The following BCL11A variants were observed in gnomAD, a reference collection of about 807,000 sequenced individuals.
BCL11A encodes B cell CLL/lymphoma 11A.
BCL11A carries 2 observed loss-of-function variants against 55.9 expected under a neutral mutation model. The ratio of observed to expected loss-of-function variants is 0.04; its 90% CI spans 0.01 to 0.11. BCL11A has a LOEUF of 0.11. BCL11A is among the 10% of genes least tolerant of loss of function. The probability of loss-of-function intolerance (pLI) is 1.00; values close to 1 mark genes in which losing one functional copy is unlikely to be tolerated. For synonymous variants in BCL11A, 465 were observed against 473.4 expected, an observed-to-expected ratio of 0.98 and a Z score of 0.23; for missense variants, 817 against 1,137.1, an observed-to-expected ratio of 0.72 and a Z score of 4.05.
intron 2 of BCL11A, among the ~76,000 whole-genome samples, chr2:60,498,152 A>G (rs939912982): frequency 2.0e-5 from 3 of 151,940 alleles, no homozygotes; most frequent in African/African-American, 7.2e-5. Context: ...TAACTGGGTC[A>G]GACCCCAAGC....
At chr2:60,532,153 T>G (rs1439009981) in intron 2 of BCL11A, among the ~76,000 whole-genome samples, 1 of 152,210 alleles carries the variant, frequency 6.6e-6, no homozygotes, top group Non-Finnish European at 1.5e-5. Context: ...CATTTTCTTT[T>G]CACTGTACCC....
intron 2 of BCL11A, among the ~76,000 whole-genome samples, chr2:60,530,168 C>T (rs771783120): frequency 1.3e-5 from 2 of 152,050 alleles, no homozygotes; most frequent in Admixed American, 6.5e-5. Flanking sequence ...GGTTTGCCAT[C>T]GGTCCTGGGT....
At position 60,457,378 on chromosome 2, in the gene BCL11A, TAAAAAC is replaced by T; in HGVS notation, c.*3020_*3025del. 2.0e-6 allele frequency: 2 copies of T among 1,013,956 alleles called. No individual in the cohort carries two copies. Among genetic ancestry groups the T allele is most frequent in the Non-Finnish European group, 2.4e-6 (2 of 843,682 alleles). The allele number at this position is 1,013,956 out of a possible 1,614,324, so 62.8% of individuals were successfully genotyped here. A position where few individuals can be genotyped will look rare whatever the true frequency, so the allele number is the denominator to read the frequency against. ...TTGGTCATCTAAATAAAAAAAAAAA[TAAAAAC>T]AAAGAAAAATAAAAGATCAAATTAA... On this transcript the variant is annotated 3_prime_UTR_variant, in exon 4 of 4. Transcript: ENST00000642384.
chr2:60,523,530 T>C (rs1669081910), intron 2 of BCL11A, among the ~76,000 whole-genome samples: 1 of 152,126 alleles, frequency 6.6e-6, no homozygotes, highest in African/African-American at 2.4e-5. Context: ...CACACAACTA[T>C]ATATATATTC....
rs1188197071 is a variant in BCL11A, at chr2:60,519,749, G to A, written c.385+26222C>T. On this transcript the variant is annotated intron_variant, in intron 2 of 3. Transcript: ENST00000642384. ...GGGAGCCACTGGTTTAGGAATTCAC[G>A]TGGGCATGGGACTGTGCTTATTCAG... 2.6e-5 allele frequency among the ~76,000 whole-genome samples: 4 copies of A among 152,306 alleles called. No individual in the cohort carries two copies. The South Asian group carries it at 6.2e-4, about 24-fold the overall frequency.
At chr2:60,467,099 A>G (rs1276813545) in intron 3 of BCL11A, among the ~76,000 whole-genome samples, 478 of 96,396 alleles carry the variant, frequency 5.0e-3, no homozygotes, top group Middle Eastern at 6.7e-3. Context: ...GGTGGTGATG[A>G]TGGTGGTGGT....
intron 2 of BCL11A, among the ~76,000 whole-genome samples, chr2:60,503,628 C>T (rs910717015): frequency 6.6e-6 from 1 of 152,168 alleles, no homozygotes; most frequent in African/African-American, 2.4e-5. Flanking sequence ...GGTTTCCACA[C>T]CCAGCAGTTC....
At chr2:60,553,083 A>G in intron 1 of BCL11A, 133 bp downstream of exon 1, 1 of 887,000 alleles carries the variant, frequency 1.1e-6, no homozygotes, top group Non-Finnish European at 1.6e-6. Context: ...TTTTACCTCG[A>G]CTCTCGGAGG....
intron 2 of BCL11A, chr2:60,527,124 T>G (rs557939790): frequency 6.6e-6 from 1 of 152,292 alleles, no homozygotes; most frequent in African/African-American, 2.4e-5. Flanking sequence ...CCGGCCTGCC[T>G]CTTGGGACAT....
At chr2:60,462,493 T>C in intron 3 of BCL11A, 69 bp from the exon 4 acceptor site, 1 of 1,542,184 alleles carries the variant, frequency 6.5e-7, no homozygotes, top group East Asian at 2.3e-5. Context: ...TGCTTATTTA[T>C]GTTCCACCTC....
chr2:60,520,845 T>C (rs565763828), intron 2 of BCL11A, among the ~76,000 whole-genome samples: 66 of 151,804 alleles, frequency 4.3e-4, no homozygotes, highest in African/African-American at 1.4e-3. Flanking sequence ...CCTTCTCCAG[T>C]GGGTTCCCAC....
intron 2 of BCL11A, chr2:60,495,859 C>T (rs1015961567): frequency 3.3e-5 from 5 of 152,244 alleles, no homozygotes; most frequent in African/African-American, 9.6e-5. Context: ...GAGCCTGGGG[C>T]AGAGAAGGCA....
chr2:60,531,041 A>G (rs1036778886), intron 2 of BCL11A, among the ~76,000 whole-genome samples: 1 of 152,150 alleles, frequency 6.6e-6, no homozygotes, highest in African/African-American at 2.4e-5. Context: ...CTCCCAATGT[A>G]CAATTTTCCC....
rs144021573 is a variant in BCL11A, at chr2:60,461,051, G to A, written c.1861C>T (p.Leu621=). 1.3e-5 allele frequency: 21 copies of A among 1,606,576 alleles called. No homozygotes were observed. Among genetic ancestry groups the A allele is most frequent in the Non-Finnish European group, 1.8e-5 (21 of 1,175,776 alleles). The part of the protein sequence containing the change: ...ESASGGLSKK[L]LLGSPSSLSP... ...AGCGAGCTGGGGCTGCCCAGCAGCAGCTTTTTGGACAGGCCCCCCGAGGCC... is the reference window on the plus strand; with the variant it reads ...AGCGAGCTGGGGCTGCCCAGCAGCAACTTTTTGGACAGGCCCCCCGAGGCC... Residue 621 remains leucine (L), a synonymous_variant, in exon 4 of 4, where the codon CTG becomes TTG. Coordinates refer to ENST00000642384, the MANE Select transcript of BCL11A (RefSeq NM_022893.4).
At chr2:60,537,054 CAG>C (rs1325514676) in intron 2 of BCL11A, 1 of 152,206 alleles carries the variant, frequency 6.6e-6, no homozygotes, top group Non-Finnish European at 1.5e-5. Context: ...GCTCCAAGAT[CAG>C]AAGAAATACA....
intron 2 of BCL11A, among the ~76,000 whole-genome samples, chr2:60,505,219 T>G (rs1423483405): frequency 3.3e-5 from 5 of 152,174 alleles, no homozygotes; most frequent in African/African-American, 7.2e-5. Flanking sequence ...ATGGGCCCAA[T>G]TTTTCATAAG....
intron 2 of BCL11A, among the ~76,000 whole-genome samples, chr2:60,515,068 C>T (rs1409518434): frequency 1.3e-5 from 2 of 152,068 alleles, no homozygotes; most frequent in Admixed American, 6.5e-5. Flanking sequence ...CAGGGGACCC[C>T]CTAACTCCAA....
chr2:60,486,555 T>C (rs1678290179), intron 2 of BCL11A, among the ~76,000 whole-genome samples: 1 of 152,208 alleles, frequency 6.6e-6, no homozygotes. Flanking sequence ...AAATTTTCCC[T>C]ATCCACAGAC....
chr2:60,473,720 G>A (rs1013324695), intron 2 of BCL11A, among the ~76,000 whole-genome samples: 5 of 152,200 alleles, frequency 3.3e-5, no homozygotes, highest in African/African-American at 4.8e-5. Flanking sequence ...ACTTATCAGA[G>A]TATTATAGAG....
Sources: allele counts gnomAD v4.1 joint callset (sites outside exome capture counted in the v4.1 genomes callset), GRCh38; gene constraint gnomAD v4.1.1; transcripts MANE v1.5; gene names NCBI Gene and HGNC (gene_info 2026-07-23, HGNC 2026-07-21).